The following CD200 variants were observed in gnomAD, a reference collection of about 807,000 sequenced individuals.
CD200 encodes OX-2 membrane glycoprotein.
A neutral mutation model predicts 30.9 loss-of-function variants in CD200; 15 were observed. The observed-to-expected ratio is 0.49, with a 90% CI of 0.32 to 0.75. The LOEUF is 0.75. Ranked by LOEUF, CD200 falls within the 30% of genes least tolerant of loss-of-function variation. The pLI is 0.03. For missense variants in CD200, 262 were observed against 324.2 expected (o/e 0.81, Z 1.47); for synonymous variants, 134 against 126.2 (o/e 1.06, Z -0.41).
intron 3 of CD200, among the ~76,000 whole-genome samples, chr3:112,346,527 C>G (rs987458414): frequency 6.6e-6 from 1 of 152,164 alleles, no homozygotes; most frequent in African/African-American, 2.4e-5. Context: ...TTTGATACAT[C>G]ATAGGACCTC....
intron 5 of CD200, among the ~76,000 whole-genome samples, chr3:112,355,678 T>G (rs939204028): frequency 6.6e-6 from 1 of 152,224 alleles, no homozygotes; most frequent in African/African-American, 2.4e-5. Flanking sequence ...ATTATAGATT[T>G]TAGGAGCCTC....
Position 112,344,825 on chromosome 3 carries a change from GTAAA to G in CD200, c.95-131_95-128del, listed in dbSNP as rs1395890154. On this transcript the variant is annotated intron_variant, in intron 2 of 5. Transcript: ENST00000315711. The stretch of plus-strand genomic sequence containing the variant: ...TATTTCTCTGGCATCACGTAGGAAT[GTAAA>G]TAAATGTTTTCTTTTTTGCATTTTC... The G allele has an allele frequency of 4.7e-5, 31 of 664,488 alleles. No individual in the cohort carries two copies. In the East Asian group the frequency reaches 6.9e-4, roughly 15 times the overall value. The allele number at this position is 664,488 out of a possible 1,614,324, so 41.2% of individuals were successfully genotyped here.
intron 5 of CD200, among the ~76,000 whole-genome samples, chr3:112,358,324 C>T (rs964097031): frequency 6.6e-6 from 1 of 152,020 alleles, no homozygotes; most frequent in Non-Finnish European, 1.5e-5. Flanking sequence ...GTTGGAGGAC[C>T]TGCTATATAA....
At chr3:112,349,547 A>G (rs2081489437) in intron 4 of CD200, among the ~76,000 whole-genome samples, 165 bp from the exon 5 acceptor site, 1 of 152,214 alleles carries the variant, frequency 6.6e-6, no homozygotes, top group African/African-American at 2.4e-5. Context: ...AAAACATGTT[A>G]GCTATTACTA....
In CD200 at chr3:112,349,717, TG is replaced by T; in HGVS notation, c.702del (p.Trp234CysfsTer8). 6.2e-7 allele frequency: 1 copy of T among 1,612,010 alleles called. No homozygotes were observed. The highest frequency in any genetic ancestry group is 8.5e-7 in the Non-Finnish European group (1 of 1,178,960). ...DFKQTVNKGY[W>X]FSVPLLLSIV... is the part of the protein sequence containing the mutation. ...TCTTTCTTCAATATCTATAGGCTAT[TG>T]GTTTTCAGTTCCGCTATTGCTAAGC... On this transcript the variant is annotated frameshift_variant, in exon 5 of 6. Coordinates refer to ENST00000315711, the MANE Select transcript of CD200 (RefSeq NM_005944.7). LOFTEE classifies it high-confidence loss of function.
chr3:112,353,027 C>T (rs553755872), intron 5 of CD200, among the ~76,000 whole-genome samples: 2 of 152,274 alleles, frequency 1.3e-5, no homozygotes, highest in Non-Finnish European at 2.9e-5. Flanking sequence ...ATGAATCCAG[C>T]ACTTTAAAAC....
intron 5 of CD200, among the ~76,000 whole-genome samples, chr3:112,360,988 G>T (rs149662064): frequency 2.0e-5 from 3 of 152,004 alleles, no homozygotes; most frequent in Non-Finnish European, 4.4e-5. Context: ...CTAGGATTAC[G>T]TATGCCCTTT....
chr3:112,361,457 ATCTC>A lies in CD200; in HGVS notation c.803-82_803-79del, dbSNP rs1414952936. 3 of 1,048,786 alleles carry A rather than the reference ATCTC, an allele frequency of 2.9e-6. No individual in the cohort carries two copies. The South Asian group carries it at 3.8e-5, about 13-fold the overall frequency. The allele number at this position is 1,048,786 out of a possible 1,614,324, so 65.0% of individuals were successfully genotyped here. On this transcript the variant is annotated intron_variant, in intron 5 of 5. Coordinates refer to ENST00000315711, the MANE Select transcript of CD200 (RefSeq NM_005944.7). ...CACTAGAATAACTCTGTGTTTCTTA[ATCTC>A]TCTATTATTTATCTTCTTAAAATGT...
At chr3:112,339,109 T>G (rs1401861354) in intron 1 of CD200, among the ~76,000 whole-genome samples, 1 of 152,238 alleles carries the variant, frequency 6.6e-6, no homozygotes, top group Non-Finnish European at 1.5e-5. Flanking sequence ...TTAGCATTAG[T>G]GGTTTAGTAA....
chr3:112,336,074 G>GA, intron 1 of CD200: 1 of 1,087,702 alleles, frequency 9.2e-7, no homozygotes. Context: ...CTTGCTAGAG[G>GA]AAAAATGAAG....
intron 4 of CD200, among the ~76,000 whole-genome samples, chr3:112,348,294 A>G (rs758945838): frequency 1.3e-5 from 2 of 152,218 alleles, no homozygotes; most frequent in African/African-American, 4.8e-5. Context: ...GAGGGGCTCA[A>G]TCTGGGGGAG....
At chr3:112,359,515 TGAGACAAAAGGACTA>T (rs1442085193) in intron 5 of CD200, among the ~76,000 whole-genome samples, 1 of 152,194 alleles carries the variant, frequency 6.6e-6, no homozygotes, top group African/African-American at 2.4e-5. Flanking sequence ...TGGATGTTCA[TGAGACAAAAGGACTA>T]GACCTGGAAG....
At position 112,361,662 on chromosome 3, in the gene CD200, G is replaced by T. The variant is rs947754493; in HGVS notation, c.*112G>T. 3.0e-6 allele frequency: 3 copies of T among 990,060 alleles called. No homozygotes were observed. In the Admixed American group the frequency reaches 5.2e-5, roughly 17 times the overall value. The allele number at this position is 990,060 out of a possible 1,614,324, so 61.3% of individuals were successfully genotyped here. A position where few individuals can be genotyped will look rare whatever the true frequency, so the allele number is the denominator to read the frequency against. On this transcript the variant is annotated 3_prime_UTR_variant, in exon 6 of 6. Coordinates refer to ENST00000315711, the MANE Select transcript of CD200 (RefSeq NM_005944.7). ...CAAAGGACCTGAAAGAGCAAAAGAG[G>T]TGGGAGCGAAAGCCTTAAGGATCCC...
At chr3:112,349,506 G>C (rs2081488172) in intron 4 of CD200, among the ~76,000 whole-genome samples, 1 of 152,148 alleles carries the variant, frequency 6.6e-6, no homozygotes, top group African/African-American at 2.4e-5. Context: ...AATGCGATAA[G>C]TTTAAAGCTC....
In CD200 at chr3:112,362,595, G is replaced by C. The variant is rs2081760383; in HGVS notation, c.*1045G>C. 1 of 152,594 alleles carries C rather than the reference G, an allele frequency of 6.6e-6. No individual in the cohort carries two copies. The highest frequency in any genetic ancestry group is 2.4e-5 in the African/African-American group (1 of 41,424). The allele number at this position is 152,594 out of a possible 1,614,324, so 9.5% of individuals were successfully genotyped here. Reference sequence around the variant, plus strand: ...AAGATATTGTTCCAGCTAGTGGAATGATGTTGAATCTTTAATAACCATAAT... The same window carrying C: ...AAGATATTGTTCCAGCTAGTGGAATCATGTTGAATCTTTAATAACCATAAT... On this transcript the variant is annotated 3_prime_UTR_variant, in exon 6 of 6. Coordinates refer to ENST00000315711, the MANE Select transcript of CD200 (RefSeq NM_005944.7).
intron 1 of CD200, among the ~76,000 whole-genome samples, chr3:112,337,733 A>T (rs539809182): frequency 2.4e-4 from 36 of 152,300 alleles, no homozygotes; most frequent in Non-Finnish European, 4.4e-4. Flanking sequence ...CAGACTCAAT[A>T]GAGATGATTA....
intron 5 of CD200, among the ~76,000 whole-genome samples, chr3:112,355,082 T>C (rs919381513): frequency 7.6e-4 from 115 of 152,310 alleles, no homozygotes; most frequent in African/African-American, 2.6e-3. Flanking sequence ...TTCCTGGAAT[T>C]AGAATATGGA....
intron 1 of CD200, among the ~76,000 whole-genome samples, chr3:112,339,753 G>A (rs1346301243): frequency 6.6e-6 from 1 of 152,202 alleles, no homozygotes; most frequent in African/African-American, 2.4e-5. Flanking sequence ...GGGAACCCAG[G>A]GACAGCCTGG....
Position 112,345,281 on chromosome 3 carries a change from C to T in CD200, c.414C>T (p.Thr138=), listed in dbSNP as rs79269828. ...AGATCTCAGGAACGGCCTGCCTCAC[C>T]GTCTATGGTGAGAATCTCTGAGAAT... ...FGKISGTACL[T]VYVQPIVSLH... is the part of the protein sequence containing the mutation. The change falls in exon 3 of 6, where the codon ACC becomes ACT. Residue 138 remains threonine, a synonymous_variant. Transcript: ENST00000315711. 5.0e-5 allele frequency: 80 copies of T among 1,611,060 alleles called. No homozygotes were observed. The African/African-American group carries it at 8.3e-4, about 17-fold the overall frequency.
Sources: gnomAD v4.1 joint callset for allele counts (sites outside exome capture counted in the v4.1 genomes callset) on GRCh38, gnomAD v4.1.1 for gene constraint, MANE v1.5 for transcripts, NCBI Gene and HGNC (gene_info 2026-07-23, HGNC 2026-07-21) for gene names.